RALYL: variants seen among roughly 807,000 people sequenced by gnomAD.
The protein encoded by RALYL is RALY RNA binding protein like.
RALYL carries 29 observed loss-of-function variants against 35.1 expected under a neutral mutation model. The observed-to-expected ratio is 0.83, with a 90% CI of 0.61 to 1.13. The LOEUF is 1.13. RALYL is among the 50% of genes most tolerant of loss of function. The pLI, the probability that RALYL is intolerant of heterozygous loss-of-function variation, is 0.00. For synonymous variants in RALYL, 120 were observed against 127.6 expected, an observed-to-expected ratio of 0.94 and a Z score of 0.40; for missense variants, 359 against 360.4, an observed-to-expected ratio of 1.00 and a Z score of 0.03.
At chr8:84,798,759 A>G (rs772477943) in intron 3 of RALYL, among the ~76,000 whole-genome samples, 13 of 152,226 alleles carry the variant, frequency 8.5e-5, no homozygotes, top group Admixed American at 5.2e-4. Context: ...TGGATTCATG[A>G]TAAAGCTCTA....
chr8:84,279,017 A>T (rs1835981439), intron 1 of RALYL, among the ~76,000 whole-genome samples: 1 of 152,186 alleles, frequency 6.6e-6, no homozygotes, highest in Non-Finnish European at 1.5e-5. Flanking sequence ...CACAGACAAG[A>T]CTGGGTAATT....
intron 2 of RALYL, among the ~76,000 whole-genome samples, chr8:84,606,113 TATA>T (rs1817087700): frequency 6.6e-6 from 1 of 152,158 alleles, no homozygotes; most frequent in Admixed American, 6.6e-5. Context: ...TGCTCTGCTA[TATA>T]ATAACTGTAC....
intron 2 of RALYL, among the ~76,000 whole-genome samples, chr8:84,570,293 T>C (rs1588243963): frequency 6.6e-6 from 1 of 151,862 alleles, no homozygotes; most frequent in African/African-American, 2.4e-5. Context: ...TGTATGAATC[T>C]TTCACCTAGT....
At chr8:84,437,541 T>G (rs547153765) in intron 1 of RALYL, among the ~76,000 whole-genome samples, 1 of 152,134 alleles carries the variant, frequency 6.6e-6, no homozygotes, top group Non-Finnish European at 1.5e-5. Context: ...TTTTTAATAG[T>G]AGCCATTCTG....
chr8:84,345,259 A>C (rs866683692), intron 1 of RALYL, among the ~76,000 whole-genome samples: 1 of 151,938 alleles, frequency 6.6e-6, no homozygotes, highest in Admixed American at 6.6e-5. Flanking sequence ...TCAGAAAGTC[A>C]CCAACTATAG....
At chr8:84,706,191 C>T (rs533451777) in intron 2 of RALYL, 129 of 831,592 alleles carry the variant, frequency 1.6e-4, no homozygotes, top group Non-Finnish European at 2.3e-4. Context: ...TTTTCTCACC[C>T]TAACCTTTAT....
chr8:84,267,751 C>T (rs1029453667), intron 1 of RALYL, among the ~76,000 whole-genome samples: 16 of 152,164 alleles, frequency 1.1e-4, no homozygotes, highest in African/African-American at 3.4e-4. Flanking sequence ...GCGCTGGATC[C>T]AATACCTTAT....
chr8:84,477,525 A>T (rs2053565622), intron 1 of RALYL, among the ~76,000 whole-genome samples: 1 of 149,882 alleles, frequency 6.7e-6, no homozygotes, highest in Admixed American at 6.7e-5. Context: ...ATGTATATAT[A>T]TCAAATAAAA....
intron 2 of RALYL, among the ~76,000 whole-genome samples, chr8:84,631,518 A>G (rs1823901723): frequency 6.6e-6 from 1 of 152,014 alleles, no homozygotes. Context: ...CACTGCTCAA[A>G]TACATGAGTA....
At chr8:84,391,296 G>A (rs1346360162) in intron 1 of RALYL, among the ~76,000 whole-genome samples, 2 of 151,974 alleles carry the variant, frequency 1.3e-5, no homozygotes, top group African/African-American at 4.8e-5. Flanking sequence ...GTGCTCTTTA[G>A]AATCCCTTCT....
chr8:84,632,653 A>C (rs1433159887), intron 2 of RALYL, among the ~76,000 whole-genome samples: 1 of 151,530 alleles, frequency 6.6e-6, no homozygotes, highest in African/African-American at 2.4e-5. Flanking sequence ...TACATTTAGT[A>C]TATTCCAGTA....
At chr8:84,188,432 A>G (rs1166987817) in intron 1 of RALYL, among the ~76,000 whole-genome samples, 1 of 152,080 alleles carries the variant, frequency 6.6e-6, no homozygotes, top group Non-Finnish European at 1.5e-5. Flanking sequence ...TTCTCTTATT[A>G]CTGTTACTAT....
intron 1 of RALYL, among the ~76,000 whole-genome samples, chr8:84,367,327 T>G (rs1586641242): frequency 9.8e-4 from 23 of 23,540 alleles, no homozygotes; most frequent in African/African-American, 4.3e-3. Context: ...TATTTTTTTT[T>G]TTTTTTTTTT....
At chr8:84,672,421 TC>T (rs1453115265) in intron 2 of RALYL, among the ~76,000 whole-genome samples, 1 of 152,224 alleles carries the variant, frequency 6.6e-6, no homozygotes, top group Non-Finnish European at 1.5e-5. Flanking sequence ...TTCTGAGTCC[TC>T]CAACTGTTCC....
rs189455257 is a variant in RALYL, at chr8:84,780,882, G to C, written c.332+6228G>C. ...GTTTGTTTGTTTGTTTTTTAAGACAGGGTCTCGCTTCATCACCCAGGCTGG... is the reference window on the plus strand; with the variant it reads ...GTTTGTTTGTTTGTTTTTTAAGACACGGTCTCGCTTCATCACCCAGGCTGG... On this transcript the variant is annotated intron_variant, in intron 3 of 8. Coordinates refer to ENST00000521268, the MANE Select transcript of RALYL (RefSeq NM_173848.7). Among the ~76,000 whole-genome samples, 30 of 152,220 alleles carry C rather than the reference G, an allele frequency of 2.0e-4. 1 individual carries two copies. In the East Asian group the frequency reaches 4.6e-3, roughly 24 times the overall value.
chr8:84,733,225 T>G (rs577614554), intron 2 of RALYL, among the ~76,000 whole-genome samples: 4 of 152,244 alleles, frequency 2.6e-5, no homozygotes, highest in Non-Finnish European at 4.4e-5. Context: ...GAAGCAGATA[T>G]AGAGCAATAG....
chr8:84,744,766 G>A (rs543674999), intron 2 of RALYL, among the ~76,000 whole-genome samples: 19 of 151,890 alleles, frequency 1.3e-4, no homozygotes, highest in Non-Finnish European at 2.5e-4. Flanking sequence ...ATTCGGTGAA[G>A]AATAGATCTA....
intron 1 of RALYL, among the ~76,000 whole-genome samples, chr8:84,289,536 TA>T (rs1248167401): frequency 3.3e-5 from 5 of 152,088 alleles, no homozygotes; most frequent in South Asian, 2.1e-4. Context: ...GCGTTCAGAA[TA>T]TTTTTTTTTT....
At chr8:84,539,878 G>GTGTATATATATATATATGTA (rs2059898945) in intron 2 of RALYL, among the ~76,000 whole-genome samples, 1 of 75,206 alleles carries the variant, frequency 1.3e-5, no homozygotes, top group African/African-American at 5.6e-5. Flanking sequence ...ATATATATAT[G>GTGTATATATATATATATGTA]TATATATATG....
Sources: allele counts gnomAD v4.1 joint callset (sites outside exome capture counted in the v4.1 genomes callset), GRCh38; gene constraint gnomAD v4.1.1; transcripts MANE v1.5; gene names NCBI Gene and HGNC (gene_info 2026-07-23, HGNC 2026-07-21).